Variants in PHACTR1 observed in about 807,000 individuals in gnomAD.
PHACTR1 encodes the protein phosphatase and actin regulator 1, also known as RPEL repeat containing 1.
A neutral mutation model predicts 69.2 loss-of-function variants in PHACTR1; 16 were observed. The observed-to-expected ratio is 0.23, with a 90% confidence interval of 0.16 to 0.35. PHACTR1 has a LOEUF of 0.35. Ranked by LOEUF, PHACTR1 falls within the 10% of genes least tolerant of loss-of-function variation. The pLI, the probability that PHACTR1 is intolerant of heterozygous loss-of-function variation, is 1.00. For synonymous variants in PHACTR1, 312 were observed against 284.5 expected (o/e 1.10, Z -0.97); for missense variants, 510 against 734.7 (o/e 0.69, Z 3.54).
intron 4 of PHACTR1, chr6:12,933,524 T>C: frequency 6.5e-7 from 1 of 1,527,034 alleles, no homozygotes; most frequent in Non-Finnish European, 8.8e-7. Context: ...CGGTTAGAAC[T>C]GATGACTATT....
chr6:13,171,397 A>T (rs1209464457), intron 6 of PHACTR1, among the ~76,000 whole-genome samples: 1 of 152,204 alleles, frequency 6.6e-6, no homozygotes, highest in African/African-American at 2.4e-5. Flanking sequence ...TATGGTGGAG[A>T]TCAGTGTAGC....
At chr6:12,930,108 A>G (rs1429705932) in intron 4 of PHACTR1, among the ~76,000 whole-genome samples, 5 of 151,452 alleles carry the variant, frequency 3.3e-5, no homozygotes, top group Admixed American at 1.3e-4. Context: ...ACCTGGTGCA[A>G]TCATGACACA....
intron 3 of PHACTR1, among the ~76,000 whole-genome samples, chr6:12,724,026 G>C (rs145284328): frequency 5.3e-4 from 80 of 152,254 alleles, no homozygotes; most frequent in African/African-American, 1.8e-3. Flanking sequence ...AGATGCAAAT[G>C]GACTTTTAAA....
At chr6:12,880,506 T>A (rs772425561) in intron 4 of PHACTR1, among the ~76,000 whole-genome samples, 3 of 152,116 alleles carry the variant, frequency 2.0e-5, no homozygotes, top group African/African-American at 7.2e-5. Context: ...TCTGTCCACA[T>A]TGGCATCCCA....
At chr6:12,791,115 T>C (rs1772214462) in intron 4 of PHACTR1, among the ~76,000 whole-genome samples, 3 of 152,210 alleles carry the variant, frequency 2.0e-5, no homozygotes. Flanking sequence ...TAAGCAATTT[T>C]GTATAATAGG....
At chr6:12,742,849 A>G (rs79022910) in intron 3 of PHACTR1, among the ~76,000 whole-genome samples, 8,344 of 152,276 alleles carry the variant, frequency 0.055, 366 homozygotes, top group Admixed American at 0.1. Flanking sequence ...CAGATCTGGC[A>G]AAAGATGATA....
chr6:13,182,906 A>G (rs1762377108), intron 7 of PHACTR1, among the ~76,000 whole-genome samples: 1 of 152,222 alleles, frequency 6.6e-6, no homozygotes, highest in Admixed American at 6.5e-5. Flanking sequence ...AAAACTCTTT[A>G]CTACCTTAAT....
intron 8 of PHACTR1, among the ~76,000 whole-genome samples, chr6:13,211,464 C>G (rs956001837): frequency 2.6e-5 from 4 of 152,162 alleles, no homozygotes; most frequent in Admixed American, 1.3e-4. Flanking sequence ...TTCGGCTGAT[C>G]TCTGTGTTCC....
chr6:12,757,711 T>C (rs1229121069), intron 4 of PHACTR1, among the ~76,000 whole-genome samples: 1 of 151,976 alleles, frequency 6.6e-6, no homozygotes, highest in Non-Finnish European at 1.5e-5. Context: ...ACCTGAGCAG[T>C]AGGAGGGATA....
intron 5 of PHACTR1, among the ~76,000 whole-genome samples, chr6:13,128,402 T>A (rs532184878): frequency 6.6e-5 from 10 of 151,376 alleles, no homozygotes; most frequent in South Asian, 6.3e-4. Flanking sequence ...AATTTTTTTT[T>A]AAATGTAGGA....
intron 5 of PHACTR1, among the ~76,000 whole-genome samples, chr6:13,101,828 G>A (rs1057056268): frequency 3.9e-5 from 6 of 152,176 alleles, no homozygotes; most frequent in African/African-American, 1.2e-4. Flanking sequence ...TCAGTGGTAC[G>A]TCTCAGTGGT....
At chr6:12,893,003 A>T (rs1332987508) in intron 4 of PHACTR1, among the ~76,000 whole-genome samples, 1 of 152,126 alleles carries the variant, frequency 6.6e-6, no homozygotes, top group African/African-American at 2.4e-5. Context: ...GAGAAGGAAG[A>T]GAGAGAGAGA....
At chr6:12,865,310 CT>C (rs1431869518) in intron 4 of PHACTR1, among the ~76,000 whole-genome samples, 12 of 152,116 alleles carry the variant, frequency 7.9e-5, no homozygotes, top group Admixed American at 7.9e-4. Context: ...AGTGAAATGC[CT>C]TGACAATGAT....
At chr6:12,886,286 A>G (rs567551511) in intron 4 of PHACTR1, among the ~76,000 whole-genome samples, 2 of 152,270 alleles carry the variant, frequency 1.3e-5, no homozygotes, top group South Asian at 4.1e-4. Flanking sequence ...TTAAGAAAAA[A>G]CATTCAAAGG....
At chr6:12,996,607 T>C (rs1797439072) in intron 4 of PHACTR1, among the ~76,000 whole-genome samples, 1 of 152,138 alleles carries the variant, frequency 6.6e-6, no homozygotes, top group Non-Finnish European at 1.5e-5. Flanking sequence ...TTAAGAAGGG[T>C]TACTCTTAAC....
chr6:12,806,789 C>T (rs943188967), intron 4 of PHACTR1, among the ~76,000 whole-genome samples: 1 of 152,116 alleles, frequency 6.6e-6, no homozygotes, highest in African/African-American at 2.4e-5. Context: ...AAATTTCAAT[C>T]TTTAGGATGA....
At chr6:13,172,602 C>T (rs1229689906) in intron 6 of PHACTR1, among the ~76,000 whole-genome samples, 3 of 152,194 alleles carry the variant, frequency 2.0e-5, no homozygotes, top group African/African-American at 7.2e-5. Context: ...AAACAAGCTA[C>T]CCAGGGTCAA....
chr6:12,819,321 A>G (rs2127708980), intron 4 of PHACTR1, among the ~76,000 whole-genome samples: 1 of 152,308 alleles, frequency 6.6e-6, no homozygotes, highest in Admixed American at 6.5e-5. Context: ...TGCAAGCAAA[A>G]TATTTCATGG....
chr6:13,255,320 C>G (rs1224812708), intron 10 of PHACTR1, among the ~76,000 whole-genome samples: 1 of 152,228 alleles, frequency 6.6e-6, no homozygotes, highest in Admixed American at 6.5e-5. Context: ...CACCTCCCAC[C>G]AGGTCCCACC....
Sources: allele counts gnomAD v4.1 joint callset (sites outside exome capture counted in the v4.1 genomes callset), GRCh38; gene constraint gnomAD v4.1.1; transcripts MANE v1.5; gene names NCBI Gene and HGNC (gene_info 2026-07-23, HGNC 2026-07-21).